Variants in SYBU observed in about 807,000 individuals in gnomAD.
The protein encoded by SYBU is syntabulin, also known as GOLSYN A protein.
SYBU carries 21 observed loss-of-function variants against 35.9 expected under a neutral mutation model. The ratio of observed to expected loss-of-function variants is 0.58; its 90% CI spans 0.41 to 0.84. The LOEUF (loss-of-function observed/expected upper bound fraction) is 0.84. Ranked by LOEUF, SYBU falls within the 40% of genes least tolerant of loss-of-function variation. The probability of loss-of-function intolerance (pLI) is 0.00; values close to 1 mark genes in which losing one functional copy is unlikely to be tolerated. For synonymous variants in SYBU, 319 were observed against 324.3 expected, an observed-to-expected ratio of 0.98 and a Z score of 0.18; for missense variants, 768 against 848.2, an observed-to-expected ratio of 0.91 and a Z score of 1.17.
chr8:109,591,794 G>A (rs2129848622), intron 3 of SYBU, among the ~76,000 whole-genome samples: 1 of 152,014 alleles, frequency 6.6e-6, no homozygotes, highest in South Asian at 2.1e-4. Flanking sequence ...TTACAAGCGT[G>A]AGCCACCGCG....
intron 1 of SYBU, among the ~76,000 whole-genome samples, chr8:109,672,586 A>C (rs1462268565): frequency 1.3e-5 from 2 of 152,226 alleles, no homozygotes; most frequent in Non-Finnish European, 2.9e-5. Flanking sequence ...TTTAGGTTTC[A>C]AGCACAAAAC....
intron 4 of SYBU, chr8:109,580,863 A>C (rs1822952880): frequency 6.6e-6 from 1 of 152,372 alleles, no homozygotes; most frequent in Non-Finnish European, 1.5e-5. Context: ...GTACTACAGC[A>C]TTCCAAATCA....
At chr8:109,673,278 G>A (rs919996518) in intron 1 of SYBU, among the ~76,000 whole-genome samples, 1 of 152,162 alleles carries the variant, frequency 6.6e-6, no homozygotes, top group Non-Finnish European at 1.5e-5. Flanking sequence ...CCTCATACAG[G>A]TGAGCTCCGG....
chr8:109,577,949 A>C lies in SYBU; in HGVS notation c.803T>G (p.Leu268Trp). 6.2e-7 allele frequency: 1 copy of C among 1,614,064 alleles called. No individual in the cohort carries two copies. The highest frequency in any genetic ancestry group is 8.5e-7 in the Non-Finnish European group (1 of 1,179,966). ...GVRPPNPEQY[L>W]TPLQQKEVTV... ...CACCTCTTTCTGCTGCAGTGGAGTC[A>C]AATACTGCTCTGGGTTTGGGGGTCT... The change falls in exon 6 of 7, where the codon TTG (leucine) becomes TGG (tryptophan). Residue 268 changes from leucine to tryptophan, a missense_variant. By Grantham distance (61) the Leu-to-Trp change is moderately conservative. Coordinates refer to ENST00000276646, the MANE Select transcript of SYBU (RefSeq NM_001099754.2).
chr8:109,681,640 T>C (rs558186908), upstream of SYBU, among the ~76,000 whole-genome samples: 2 of 152,252 alleles, frequency 1.3e-5, no homozygotes, highest in South Asian at 4.1e-4. Flanking sequence ...CGTAATTCAA[T>C]AACTGGGAAA....
intron 1 of SYBU, among the ~76,000 whole-genome samples, chr8:109,687,873 A>ATTTATCCTT (rs1817556101): frequency 6.6e-6 from 1 of 152,222 alleles, no homozygotes; most frequent in Admixed American, 6.5e-5. Flanking sequence ...GGATCTTCCC[A>ATTTATCCTT]ATAATTAAAT....
intron 3 of SYBU, among the ~76,000 whole-genome samples, chr8:109,590,767 G>GAA (rs10691264): frequency 0.053 from 6,429 of 121,966 alleles, 515 homozygotes; most frequent in African/African-American, 0.17. Context: ...CATAAAATTA[G>GAA]AAAAAAAAAA....
intron 3 of SYBU, among the ~76,000 whole-genome samples, chr8:109,605,208 A>C (rs1825947445): frequency 6.6e-6 from 1 of 152,198 alleles, no homozygotes; most frequent in South Asian, 2.1e-4. Flanking sequence ...TAACAATGGA[A>C]TAGAAAGTGG....
intron 1 of SYBU, among the ~76,000 whole-genome samples, chr8:109,672,879 G>A (rs940199208): frequency 6.6e-6 from 1 of 152,194 alleles, no homozygotes; most frequent in African/African-American, 2.4e-5. Context: ...GGCTTGAGTA[G>A]GTGATTTTCC....
intron 3 of SYBU, among the ~76,000 whole-genome samples, chr8:109,597,821 G>T (rs977527187): frequency 2.0e-5 from 3 of 152,204 alleles, no homozygotes; most frequent in African/African-American, 7.2e-5. Context: ...GCATCTATGT[G>T]TTAGAGCTGA....
chr8:109,646,210 G>A (rs1815678175), upstream of SYBU: 1 of 133,788 alleles, frequency 7.5e-6, no homozygotes, highest in South Asian at 2.2e-4. Context: ...CAGAATTGGA[G>A]AATATTCCAA....
At chr8:109,659,657 C>G (rs1586967266) in intron 1 of SYBU, among the ~76,000 whole-genome samples, 1 of 152,286 alleles carries the variant, frequency 6.6e-6, no homozygotes. Flanking sequence ...TTAAAACTCT[C>G]CCACACTAAG....
chr8:109,661,231 A>G lies in SYBU; in HGVS notation c.-129+19480T>C, dbSNP rs1270100454. On this transcript the variant is annotated intron_variant, in intron 1 of 5. Coordinates refer to the SYBU transcript ENST00000408889. Reference sequence around the variant, plus strand: ...CCTTCTGACTCCTGAGAAACTTAAGATGAAGTCTGTGGTCTCCAAAGTTCA... The same window carrying G: ...CCTTCTGACTCCTGAGAAACTTAAGGTGAAGTCTGTGGTCTCCAAAGTTCA... 2.0e-5 allele frequency among the ~76,000 whole-genome samples: 3 copies of G among 152,216 alleles called. No homozygotes were observed. In the South Asian group the frequency reaches 6.2e-4, roughly 32 times the overall value.
At chr8:109,609,407 A>G (rs1810928294) in intron 3 of SYBU, among the ~76,000 whole-genome samples, 1 of 152,210 alleles carries the variant, frequency 6.6e-6, no homozygotes. Flanking sequence ...TTTAATGATC[A>G]CTTTAAATAG....
chr8:109,629,771 A>G (rs1813394203), intron 2 of SYBU, among the ~76,000 whole-genome samples: 1 of 151,986 alleles, frequency 6.6e-6, no homozygotes, highest in African/African-American at 2.4e-5. Flanking sequence ...ACAGTGTAAA[A>G]GTGTTCCTAT....
intron 3 of SYBU, among the ~76,000 whole-genome samples, chr8:109,588,399 G>A (rs1823861442): frequency 6.6e-6 from 1 of 152,180 alleles, no homozygotes; most frequent in African/African-American, 2.4e-5. Flanking sequence ...CAGGGCCTAA[G>A]GTCACTTTGT....
At chr8:109,603,510 C>G (rs1358995119) in intron 3 of SYBU, 11 of 469,474 alleles carry the variant, frequency 2.3e-5, no homozygotes, top group Non-Finnish European at 2.8e-5. Flanking sequence ...GCCCCACCCC[C>G]CTACACAAGT....
intron 3 of SYBU, among the ~76,000 whole-genome samples, chr8:109,590,315 T>G (rs1824072542): frequency 6.6e-6 from 1 of 152,168 alleles, no homozygotes. Context: ...TTTTAGTTTT[T>G]GCAAATTACT....
At chr8:109,666,469 C>T (rs969660963) in intron 1 of SYBU, among the ~76,000 whole-genome samples, 2 of 152,104 alleles carry the variant, frequency 1.3e-5, no homozygotes, top group South Asian at 4.1e-4. Context: ...AATTAAGAAC[C>T]ACTGCTCATG....
Sources: allele counts gnomAD v4.1 joint callset (sites outside exome capture counted in the v4.1 genomes callset), GRCh38; gene constraint gnomAD v4.1.1; transcripts MANE v1.5; gene names NCBI Gene and HGNC (gene_info 2026-07-23, HGNC 2026-07-21).